Variants in USP10 observed in about 807,000 individuals in gnomAD.
The protein encoded by USP10 is ubiquitin carboxyl-terminal hydrolase 10.
Under a neutral mutation model 84.5 loss-of-function variants are expected in USP10, and 22 were observed. That is an observed-to-expected ratio of 0.26 (90% confidence interval 0.19 to 0.37). USP10 has a LOEUF of 0.37. USP10 is among the 10% of genes least tolerant of loss of function. The probability of loss-of-function intolerance (pLI) is 1.00; values close to 1 mark genes in which losing one functional copy is unlikely to be tolerated. For synonymous variants in USP10, 454 were observed against 387.6 expected (o/e 1.17, Z -2.01); for missense variants, 1,019 against 998.9 (o/e 1.02, Z -0.27).
At chr16:84,765,104 G>C (rs1323801921) in intron 10 of USP10, among the ~76,000 whole-genome samples, 1 of 151,486 alleles carries the variant, frequency 6.6e-6, no homozygotes, top group Admixed American at 6.6e-5. Context: ...CAAACCATGT[G>C]TTTTGGTAAG....
intron 1 of USP10, among the ~76,000 whole-genome samples, chr16:84,722,269 G>A (rs930383104): frequency 1.3e-5 from 2 of 152,214 alleles, no homozygotes; most frequent in African/African-American, 4.8e-5. Flanking sequence ...TGAGTGTTGA[G>A]TTCCAGCCTT....
At chr16:84,711,747 A>C (rs1418074926) in intron 1 of USP10, among the ~76,000 whole-genome samples, 4 of 111,462 alleles carry the variant, frequency 3.6e-5, no homozygotes, top group Admixed American at 1.2e-4. Flanking sequence ...TTTTTGTCTG[A>C]GATGGAGTCT....
rs148368570 is a variant in USP10 at position 84,722,756 on chromosome 16, C to T, written c.22-10679C>T. Among the ~76,000 whole-genome samples, 1,019 of 152,224 alleles carry T rather than the reference C, an allele frequency of 6.7e-3. 12 individuals are homozygous for T. Among genetic ancestry groups the T allele is most frequent in the African/African-American group, 0.023 (957 of 41,522 alleles). ...TGTATTTTTAGTAGAGATGGAGTTT[C>T]ACCATGTTGGCCAGTCTCGAACTCC... On this transcript the variant is annotated intron_variant, in intron 1 of 13. Coordinates refer to ENST00000219473, the MANE Select transcript of USP10 (RefSeq NM_005153.3).
At chr16:84,706,915 T>G (rs1286296599) in intron 1 of USP10, among the ~76,000 whole-genome samples, 1 of 100,818 alleles carries the variant, frequency 9.9e-6, no homozygotes, top group Non-Finnish European at 2.4e-5. Context: ...AGGAGAAACA[T>G]ATTTATTACG....
chr16:84,759,873 T>C lies in USP10; in HGVS notation c.1395-18T>C. On this transcript the variant is annotated intron_variant, in intron 6 of 13. Coordinates refer to ENST00000219473, the MANE Select transcript of USP10 (RefSeq NM_005153.3). ...TTGTTTAAAACTGCACTATTTAACA[T>C]TTTTTCCCCATGTTTAGTGTTCGGC... 1 of 1,612,856 alleles carries C rather than the reference T, an allele frequency of 6.2e-7. No homozygotes were observed. The highest frequency in any genetic ancestry group is 8.5e-7 in the Non-Finnish European group (1 of 1,179,070).
At chr16:84,702,798 G>T (rs966924505) in intron 1 of USP10, among the ~76,000 whole-genome samples, 1 of 151,850 alleles carries the variant, frequency 6.6e-6, no homozygotes, top group Non-Finnish European at 1.5e-5. Context: ...TTCGAGATCA[G>T]CCTGACCAAT....
intron 5 of USP10, among the ~76,000 whole-genome samples, chr16:84,759,061 A>G (rs1883184555): frequency 6.6e-6 from 1 of 152,214 alleles, no homozygotes; most frequent in African/African-American, 2.4e-5. Context: ...TAGAATAGTC[A>G]CAAATAATAG....
At chr16:84,730,976 CTTTT>C (rs11401851) in intron 1 of USP10, among the ~76,000 whole-genome samples, 38 of 105,056 alleles carry the variant, frequency 3.6e-4, no homozygotes, top group African/African-American at 9.8e-4. Flanking sequence ...GCATTTCTAC[CTTTT>C]TTTTTTTTTT....
At chr16:84,712,239 C>T (rs1330049059) in intron 1 of USP10, among the ~76,000 whole-genome samples, 2 of 152,220 alleles carry the variant, frequency 1.3e-5, no homozygotes, top group Non-Finnish European at 2.9e-5. Flanking sequence ...AGGCAGTCAG[C>T]TGTGTACAGA....
intron 1 of USP10, among the ~76,000 whole-genome samples, chr16:84,716,998 A>C (rs755463956): frequency 1.3e-5 from 2 of 152,212 alleles, no homozygotes; most frequent in Non-Finnish European, 2.9e-5. Flanking sequence ...TCGGGATTAC[A>C]TGAGATAGAG....
chr16:84,730,479 TTAAAAA>T (rs1216064356), intron 1 of USP10, among the ~76,000 whole-genome samples: 2 of 152,192 alleles, frequency 1.3e-5, no homozygotes, highest in Non-Finnish European at 2.9e-5. Flanking sequence ...CTCAGATACT[TTAAAAA>T]TAATTAAGTA....
chr16:84,737,548 C>T lies in USP10; in HGVS notation c.91-2761C>T, dbSNP rs141246504. Among the ~76,000 whole-genome samples the T allele has an allele frequency of 6.2e-4, 95 of 152,378 alleles. No homozygotes were observed. The Middle Eastern group carries it at 0.01, about 16-fold the overall frequency. On this transcript the variant is annotated intron_variant, in intron 2 of 13. Transcript: ENST00000219473. Reference sequence around the variant, plus strand: ...ACATTTCCACAGTGCCACAACCCATCTGGCATTCCTGCAGGTGCGCTCTTT... The same window carrying T: ...ACATTTCCACAGTGCCACAACCCATTTGGCATTCCTGCAGGTGCGCTCTTT...
At chr16:84,704,694 G>A (rs571352692) in intron 1 of USP10, 2 of 1,480,420 alleles carry the variant, frequency 1.4e-6, no homozygotes, top group African/African-American at 2.8e-5. Flanking sequence ...AGAATCTTCA[G>A]ATCCTAGATT....
At chr16:84,740,535 GAA>G (rs1910505251) in intron 3 of USP10, among the ~76,000 whole-genome samples, 166 bp downstream of exon 3, 1 of 152,270 alleles carries the variant, frequency 6.6e-6, no homozygotes, top group Admixed American at 6.5e-5. Flanking sequence ...TTTGACTAGT[GAA>G]TTGGTTTTAA....
chr16:84,763,862 G>A (rs1432715509), intron 9 of USP10, among the ~76,000 whole-genome samples: 2 of 151,850 alleles, frequency 1.3e-5, no homozygotes, highest in African/African-American at 4.8e-5. Context: ...ATCCAGTGAC[G>A]TTGCACCTGT....
At chr16:84,777,006 T>C (rs542427500) in intron 13 of USP10, among the ~76,000 whole-genome samples, 1 of 152,282 alleles carries the variant, frequency 6.6e-6, no homozygotes, top group South Asian at 2.1e-4. Flanking sequence ...AGAGACGAGG[T>C]TTCGCCCTTT....
rs572357058 is a variant in USP10 at position 84,741,509 on chromosome 16, A to C, written c.151+1140A>C. Among the ~76,000 whole-genome samples, 158 of 152,234 alleles carry C rather than the reference A, an allele frequency of 1.0e-3. 1 individual carries two copies. The highest frequency in any genetic ancestry group is 3.6e-3 in the African/African-American group (150 of 41,534). On this transcript the variant is annotated intron_variant, in intron 3 of 13. Coordinates refer to ENST00000219473, the MANE Select transcript of USP10 (RefSeq NM_005153.3). ...GCCCCATGATGTTCCCATGCACATC[A>C]CTTCTTTGAGTTCACCCTCCTCCCT...
intron 1 of USP10, among the ~76,000 whole-genome samples, chr16:84,713,914 T>C (rs1243875758): frequency 6.6e-6 from 1 of 152,172 alleles, no homozygotes; most frequent in Non-Finnish European, 1.5e-5. Context: ...TGAAGTGCAT[T>C]TGGGACGTGG....
intron 2 of USP10, 78 bp downstream of exon 2, chr16:84,733,581 T>C: frequency 9.0e-7 from 1 of 1,114,988 alleles, no homozygotes. Flanking sequence ...TTTGTTTTTT[T>C]AAATAAAGAA....
Sources: gnomAD v4.1 joint callset for allele counts (sites outside exome capture counted in the v4.1 genomes callset) on GRCh38, gnomAD v4.1.1 for gene constraint, MANE v1.5 for transcripts, NCBI Gene and HGNC (gene_info 2026-07-23, HGNC 2026-07-21) for gene names.